The following KIAA1958 variants were observed in gnomAD, a reference collection of about 807,000 sequenced individuals.
KIAA1958 encodes the protein uncharacterized protein KIAA1958.
Under a neutral mutation model 47.2 loss-of-function variants are expected in KIAA1958, and 14 were observed. The ratio of observed to expected loss-of-function variants is 0.30; its 90% confidence interval spans 0.20 to 0.46. The LOEUF is 0.46. KIAA1958 is among the 20% of genes least tolerant of loss of function. The probability of loss-of-function intolerance (pLI) is 1.00; values close to 1 mark genes in which losing one functional copy is unlikely to be tolerated. For missense variants in KIAA1958, 803 were observed against 909.2 expected (o/e 0.88, Z 1.50); for synonymous variants, 354 against 353.3 (o/e 1.00, Z -0.02).
At chr9:112,587,581 A>G (rs2131186827) in intron 2 of KIAA1958, among the ~76,000 whole-genome samples, 1 of 152,282 alleles carries the variant, frequency 6.6e-6, no homozygotes, top group African/African-American at 2.4e-5. Context: ...TGATTGATGC[A>G]CCTTAGTTGG....
chr9:112,509,200 C>CTTTT (rs67222850), intron 1 of KIAA1958, among the ~76,000 whole-genome samples: 6 of 113,136 alleles, frequency 5.3e-5, no homozygotes, highest in East Asian at 2.5e-4. Context: ...CAGGCCCATT[C>CTTTT]TTTTTTTTTT....
At chr9:112,643,277 A>G (rs1836923780) in intron 2 of KIAA1958, among the ~76,000 whole-genome samples, 1 of 152,216 alleles carries the variant, frequency 6.6e-6, no homozygotes, top group Non-Finnish European at 1.5e-5. Context: ...CATAATTTAA[A>G]CAGCCCAGTG....
chr9:112,487,290 C>CCGGAGCGAGGG (rs1426500827), intron 1 of KIAA1958, 172 bp downstream of exon 1: 1 of 152,542 alleles, frequency 6.6e-6, no homozygotes, highest in East Asian at 2.0e-4. Flanking sequence ...GGGAGCGAGG[C>CCGGAGCGAGGG]CGGAGCGAGG....
At chr9:112,576,850 G>T (rs898979005) in intron 2 of KIAA1958, among the ~76,000 whole-genome samples, 10 of 152,014 alleles carry the variant, frequency 6.6e-5, no homozygotes, top group Admixed American at 2.0e-4. Flanking sequence ...TCTTGCTTGG[G>T]TAACTACCTA....
intron 3 of KIAA1958, among the ~76,000 whole-genome samples, chr9:112,654,635 A>G (rs1194105626): frequency 2.0e-5 from 3 of 151,700 alleles, no homozygotes; most frequent in Non-Finnish European, 4.4e-5. Context: ...AGTCTCGACT[A>G]CTATAAAGAG....
chr9:112,649,550 G>A (rs1396167379), intron 3 of KIAA1958, among the ~76,000 whole-genome samples: 1 of 152,040 alleles, frequency 6.6e-6, no homozygotes, highest in Admixed American at 6.6e-5. Flanking sequence ...CTGAAAAAGA[G>A]AAAAGGAGGA....
In KIAA1958 at chr9:112,619,035, A is replaced by G; in HGVS notation, c.1172-26615A>G. On this transcript the variant is annotated intron_variant, in intron 2 of 3. Transcript: ENST00000337530. ...GTTAATTCACTTTATAAAAATATAA[A>G]TATATAATATATTTTTCTTTTTACA... 4.0e-6 allele frequency: 4 copies of G among 1,003,898 alleles called. No individual in the cohort carries two copies. The South Asian group carries it at 1.5e-4, about 38-fold the overall frequency. The allele number at this position is 1,003,898 out of a possible 1,614,324, so 62.2% of individuals were successfully genotyped here. A position where few individuals can be genotyped will look rare whatever the true frequency, so the allele number is the denominator to read the frequency against.
At position 112,575,148 on chromosome 9, in the gene KIAA1958, C is replaced by T; in HGVS notation, c.1068C>T (p.Ala356=). The T allele has an allele frequency of 6.2e-7, 1 of 1,601,472 alleles. No individual in the cohort carries two copies. Among genetic ancestry groups the T allele is most frequent in the Non-Finnish European group, 8.5e-7 (1 of 1,179,710 alleles). Residue 356 remains alanine (A), a synonymous_variant, in exon 2 of 4, where the codon GCC becomes GCT. Transcript: ENST00000337530. ...GCCAGGTCTCCTCCTGTGAGGTAGC[C>T]CTTTCTCCCTCAGTTAACACAGAGC... The part of the protein sequence containing the change: ...LPSQVSSCEV[A]LSPSVNTEPE...
chr9:112,597,694 T>G (rs1198593739), intron 2 of KIAA1958, among the ~76,000 whole-genome samples: 3 of 152,236 alleles, frequency 2.0e-5, no homozygotes, highest in African/African-American at 7.2e-5. Context: ...CGTACAGACA[T>G]GCTTAAAACA....
chr9:112,491,984 A>T (rs1587986255), intron 1 of KIAA1958, among the ~76,000 whole-genome samples: 2 of 152,126 alleles, frequency 1.3e-5, no homozygotes, highest in Admixed American at 1.3e-4. Context: ...TTTTCCTTGC[A>T]TGATTTAAGG....
chr9:112,525,367 A>G (rs1385999206), intron 1 of KIAA1958, among the ~76,000 whole-genome samples: 4 of 152,232 alleles, frequency 2.6e-5, no homozygotes, highest in Admixed American at 2.6e-4. Context: ...TCTCAGGACC[A>G]TAAACACTAG....
At chr9:112,628,427 T>C (rs1268610820) in intron 2 of KIAA1958, among the ~76,000 whole-genome samples, 3 of 152,234 alleles carry the variant, frequency 2.0e-5, no homozygotes, top group Non-Finnish European at 2.9e-5. Flanking sequence ...TAGAATATGC[T>C]GTAGACATTT....
chr9:112,538,806 G>A (rs964977342), intron 1 of KIAA1958, among the ~76,000 whole-genome samples: 4 of 152,122 alleles, frequency 2.6e-5, no homozygotes, highest in African/African-American at 9.7e-5. Context: ...GAGATTTATT[G>A]GGTGCTTACT....
intron 2 of KIAA1958, among the ~76,000 whole-genome samples, chr9:112,619,808 AG>A (rs1360445697): frequency 6.6e-6 from 1 of 152,200 alleles, no homozygotes; most frequent in African/African-American, 2.4e-5. Flanking sequence ...CCTATAAAGA[AG>A]GTAAAAGGTG....
chr9:112,617,134 T>C (rs541433957), intron 2 of KIAA1958, among the ~76,000 whole-genome samples: 106 of 152,280 alleles, frequency 7.0e-4, no homozygotes, highest in African/African-American at 2.3e-3. Context: ...AAAGAAACAG[T>C]GGATCCTGGA....
intron 1 of KIAA1958, among the ~76,000 whole-genome samples, chr9:112,491,799 G>C (rs78396529): frequency 1.3e-5 from 2 of 151,726 alleles, no homozygotes; most frequent in East Asian, 3.9e-4. Context: ...TTTACTCTTT[G>C]GTTAACTTTC....
At chr9:112,630,088 G>A (rs1484984819) in intron 2 of KIAA1958, among the ~76,000 whole-genome samples, 1 of 152,068 alleles carries the variant, frequency 6.6e-6, no homozygotes, top group Non-Finnish European at 1.5e-5. Flanking sequence ...CACTGAAGTT[G>A]GGGGGAAGCC....
At chr9:112,589,229 G>T (rs1835878412) in intron 2 of KIAA1958, among the ~76,000 whole-genome samples, 1 of 152,176 alleles carries the variant, frequency 6.6e-6, no homozygotes, top group Admixed American at 6.5e-5. Context: ...TGGTTTTTCT[G>T]TTCCTTTTCC....
intron 2 of KIAA1958, among the ~76,000 whole-genome samples, chr9:112,578,100 G>C (rs149982816): frequency 6.6e-6 from 1 of 152,210 alleles, no homozygotes; most frequent in African/African-American, 2.4e-5. Context: ...TATACTGTTT[G>C]AACTGGAAAC....
Sources: gnomAD v4.1 joint callset for allele counts (sites outside exome capture counted in the v4.1 genomes callset) on GRCh38, gnomAD v4.1.1 for gene constraint, MANE v1.5 for transcripts, NCBI Gene and HGNC (gene_info 2026-07-23, HGNC 2026-07-21) for gene names.